IFNGR1: variants seen among roughly 807,000 people sequenced by gnomAD.
IFNGR1 encodes the protein interferon gamma receptor 1, also known as AVP, type 2.
IFNGR1 carries 23 observed loss-of-function variants against 35.4 expected under a neutral mutation model. That is an observed-to-expected ratio of 0.65 (90% CI 0.47 to 0.92). The LOEUF is 0.92. IFNGR1 is among the 40% of genes least tolerant of loss of function. The probability of loss-of-function intolerance (pLI) is 0.00; values close to 1 mark genes in which losing one functional copy is unlikely to be tolerated. For missense variants in IFNGR1, 533 were observed against 583.4 expected (o/e 0.91, Z 0.89); for synonymous variants, 199 against 209.5 (o/e 0.95, Z 0.43).
At chr6:137,200,834 G>C in intron 6 of IFNGR1, 47 bp downstream of exon 6, 1 of 1,379,264 alleles carries the variant, frequency 7.3e-7, no homozygotes, top group Non-Finnish European at 1.0e-6. Context: ...TATCAAAAAA[G>C]GTTCAAGTTA....
At chr6:137,201,456 C>T (rs1241427473) in intron 5 of IFNGR1, among the ~76,000 whole-genome samples, 2 of 152,210 alleles carry the variant, frequency 1.3e-5, no homozygotes, top group East Asian at 1.9e-4. Flanking sequence ...GGGCGGATCA[C>T]GAGGTCAAGA....
intron 5 of IFNGR1, among the ~76,000 whole-genome samples, chr6:137,201,587 C>T (rs1056229376): frequency 2.0e-5 from 3 of 151,988 alleles, no homozygotes; most frequent in South Asian, 2.1e-4. Flanking sequence ...GCAGGAGAAT[C>T]GCTTGGACCT....
At position 137,218,742 on chromosome 6, in the gene IFNGR1, G is replaced by C. The variant is rs11754209; in HGVS notation, c.85+501C>G. On this transcript the variant is annotated intron_variant, in intron 1 of 6. Coordinates refer to ENST00000367739, the MANE Select transcript of IFNGR1 (RefSeq NM_000416.3). The stretch of plus-strand genomic sequence containing the variant: ...AAATGTCCCCTTAGGCAATTTCTTC[G>C]GGCAGTAGAAACCCAGACAAACCCA... 2.3e-3 allele frequency: 808 copies of C among 349,646 alleles called. 2 individuals are homozygous for C. The highest frequency in any genetic ancestry group is 3.5e-3 in the Non-Finnish European group (624 of 176,682). The allele number at this position is 349,646 out of a possible 1,614,324, so 21.7% of individuals were successfully genotyped here.
At chr6:137,212,347 T>C (rs1779596011) in intron 1 of IFNGR1, among the ~76,000 whole-genome samples, 1 of 152,208 alleles carries the variant, frequency 6.6e-6, no homozygotes, top group Non-Finnish European at 1.5e-5. Flanking sequence ...AACCTCTGCC[T>C]CCTGGGTTCA....
intron 2 of IFNGR1, chr6:137,206,565 ATC>A (rs1219103987): frequency 4.7e-6 from 2 of 428,344 alleles, no homozygotes; most frequent in Admixed American, 4.1e-5. Flanking sequence ...TTTTTTAAAA[ATC>A]TGTTTTTTTA....
In IFNGR1 at chr6:137,207,089, T is replaced by TA. The variant is rs1411433715; in HGVS notation, c.86-13dup. The TA allele has an allele frequency of 6.2e-7, 1 of 1,613,000 alleles. No homozygotes were observed. The highest frequency in any genetic ancestry group is 2.2e-5 in the East Asian group (1 of 44,846). The stretch of plus-strand genomic sequence containing the variant: ...AGTTGGTGTAGGCACTGTAAGAAAA[T>TA]AAAAAAGTAAAAGGGACAATTGTAA... On this transcript the variant is annotated splice_polypyrimidine_tract_variant and intron_variant, in intron 1 of 6. Transcript: ENST00000367739.
intron 1 of IFNGR1, among the ~76,000 whole-genome samples, chr6:137,217,625 G>C (rs1779736185): frequency 6.6e-6 from 1 of 152,188 alleles, no homozygotes; most frequent in Admixed American, 6.5e-5. Flanking sequence ...ATAAGAAATG[G>C]AGAGTCCTAG....
chr6:137,212,665 A>C (rs746554714), intron 1 of IFNGR1, among the ~76,000 whole-genome samples: 7 of 152,234 alleles, frequency 4.6e-5, no homozygotes, highest in Admixed American at 6.5e-5. Flanking sequence ...GCATACTAGA[A>C]TATCAAACAA....
intron 6 of IFNGR1, among the ~76,000 whole-genome samples, chr6:137,199,005 C>T (rs1037671868): frequency 7.2e-5 from 11 of 151,970 alleles, no homozygotes; most frequent in South Asian, 2.1e-4. Flanking sequence ...AAGGAAGACC[C>T]GCCCTTAACC....
intron 1 of IFNGR1, 173 bp downstream of exon 1, chr6:137,219,070 G>T (rs1045473072): frequency 1.5e-5 from 11 of 742,092 alleles, no homozygotes; most frequent in Non-Finnish European, 2.4e-5. Context: ...TTCAAACCAC[G>T]GAGCCCCAGT....
At chr6:137,207,205 C>G in intron 1 of IFNGR1, 128 bp from the exon 2 acceptor site, 1 of 1,220,520 alleles carries the variant, frequency 8.2e-7, no homozygotes, top group East Asian at 2.6e-5. Flanking sequence ...CACCAGGATA[C>G]CAAAATTATT....
chr6:137,213,068 A>G (rs1315485268), intron 1 of IFNGR1, among the ~76,000 whole-genome samples: 1 of 152,232 alleles, frequency 6.6e-6, no homozygotes, highest in Non-Finnish European at 1.5e-5. Flanking sequence ...ATAATATGAC[A>G]GACATAAGCA....
In IFNGR1 at chr6:137,207,044, T is replaced by C. The variant is rs1174089963; in HGVS notation, c.119A>G (p.Tyr40Cys). Residue 40 changes from tyrosine (Y) to cysteine (C), a missense_variant, in exon 2 of 7, where the codon TAT (tyrosine) becomes TGT (cysteine). Coordinates refer to ENST00000367739, the MANE Select transcript of IFNGR1 (RefSeq NM_000416.3). ...PTPTNVTIESYNMNPIVYWEY... is the reference protein window; with the variant it reads ...PTPTNVTIESCNMNPIVYWEY... ...CCAATATACGATAGGGTTCATGTTA[T>C]AGGATTCAATTGTAACATTAGTTGG... The C allele has an allele frequency of 1.2e-6, 2 of 1,613,862 alleles. No homozygotes were observed. The highest frequency in any genetic ancestry group is 2.2e-5 in the East Asian group (1 of 44,868).
intron 1 of IFNGR1, among the ~76,000 whole-genome samples, chr6:137,215,025 C>A (rs866679713): frequency 1.3e-5 from 2 of 152,118 alleles, no homozygotes; most frequent in Non-Finnish European, 1.5e-5. Context: ...TGAATAATCC[C>A]TAACATATTA....
In IFNGR1 at chr6:137,197,825, T is replaced by C. The variant is rs1887416; in HGVS notation, c.*206A>G. On this transcript the variant is annotated 3_prime_UTR_variant, in exon 7 of 7. Coordinates refer to ENST00000367739, the MANE Select transcript of IFNGR1 (RefSeq NM_000416.3). Reference sequence around the variant, plus strand: ...GGTTCATAAGTTACAATGCTTTTTTTGTTTAAAAAAAAAAAAAAGTCTGTA... The same window carrying C: ...GGTTCATAAGTTACAATGCTTTTTTCGTTTAAAAAAAAAAAAAAGTCTGTA... The C allele has an allele frequency of 0.029, 16,521 of 566,144 alleles. 1,865 individuals are homozygous for C. The highest frequency in any genetic ancestry group is 0.25 in the South Asian group (12,280 of 48,222). 35.1% of individuals were successfully genotyped at this position (566,144 alleles called of 1,614,324 possible).
intron 6 of IFNGR1, among the ~76,000 whole-genome samples, chr6:137,199,286 A>G (rs1000373220): frequency 1.5e-5 from 2 of 135,550 alleles, no homozygotes; most frequent in African/African-American, 5.5e-5. Flanking sequence ...ATATATATAT[A>G]TATGAAAAAT....
At chr6:137,219,087 A>ACCCCACCTCGCGT (rs1229358625) in intron 1 of IFNGR1, 156 bp downstream of exon 1, 7 of 905,122 alleles carry the variant, frequency 7.7e-6, no homozygotes, top group Non-Finnish European at 1.0e-5. Context: ...CAGTCTCGCG[A>ACCCCACCTCGCGT]CCCCACCTCG....
chr6:137,201,414 C>A (rs1019764719), intron 5 of IFNGR1, among the ~76,000 whole-genome samples: 1 of 152,170 alleles, frequency 6.6e-6, no homozygotes, highest in Non-Finnish European at 1.5e-5. Flanking sequence ...GTGGCTCAAG[C>A]CTGTAATCCC....
intron 3 of IFNGR1, among the ~76,000 whole-genome samples, chr6:137,205,642 G>A (rs1241950111): frequency 6.6e-6 from 1 of 152,184 alleles, no homozygotes; most frequent in Non-Finnish European, 1.5e-5. Context: ...GGAAGGGCAA[G>A]GGTGGTGCAG....
Sources: allele counts gnomAD v4.1 joint callset (sites outside exome capture counted in the v4.1 genomes callset), GRCh38; gene constraint gnomAD v4.1.1; transcripts MANE v1.5; gene names NCBI Gene and HGNC (gene_info 2026-07-23, HGNC 2026-07-21).